Variants in CNST observed in about 807,000 individuals in gnomAD.
CNST encodes consortin.
CNST carries 39 observed loss-of-function variants against 72.4 expected under a neutral mutation model. The observed-to-expected ratio is 0.54, with a 90% CI of 0.42 to 0.70. The LOEUF (loss-of-function observed/expected upper bound fraction) is 0.70. CNST is among the 30% of genes least tolerant of loss of function. CNST has a pLI of 0.00. For synonymous variants in CNST, 332 were observed against 320.1 expected (o/e 1.04, Z -0.40); for missense variants, 871 against 868.5 (o/e 1.00, Z -0.04).
chr1:246,618,594 A>C (rs1663847631), intron 2 of CNST, among the ~76,000 whole-genome samples: 2 of 152,118 alleles, frequency 1.3e-5, no homozygotes, highest in African/African-American at 4.8e-5. Context: ...ATTCTTTCTA[A>C]TTGCCCATTA....
intron 4 of CNST, among the ~76,000 whole-genome samples, chr1:246,633,523 A>G (rs182918216): frequency 6.6e-6 from 1 of 152,106 alleles, no homozygotes; most frequent in Non-Finnish European, 1.5e-5. Context: ...CAGGCAGATC[A>G]CGAGGTGAGG....
intron 2 of CNST, among the ~76,000 whole-genome samples, chr1:246,617,654 G>A (rs1054218672): frequency 6.6e-6 from 1 of 152,194 alleles, no homozygotes; most frequent in African/African-American, 2.4e-5. Flanking sequence ...GAAGCATGCT[G>A]AGAACTTAGG....
chr1:246,644,388 C>CAAAAA (rs58278885), intron 8 of CNST, among the ~76,000 whole-genome samples: 2 of 102,186 alleles, frequency 2.0e-5, no homozygotes, highest in Non-Finnish European at 3.9e-5. Flanking sequence ...ACTCTGTCTC[C>CAAAAA]AAAAAAAAAA....
intron 2 of CNST, chr1:246,608,161 A>T (rs902876154): frequency 2.0e-5 from 3 of 151,766 alleles, no homozygotes; most frequent in African/African-American, 7.3e-5. Context: ...TCTACAAAAA[A>T]AACAAATAAA....
chr1:246,622,013 TATAAAA>T (rs1664124513), intron 3 of CNST, among the ~76,000 whole-genome samples: 1 of 152,038 alleles, frequency 6.6e-6, no homozygotes, highest in Non-Finnish European at 1.5e-5. Flanking sequence ...CATAAATAAA[TATAAAA>T]ATAAAAAATA....
At chr1:246,585,468 G>A (rs1474148987) in intron 1 of CNST, among the ~76,000 whole-genome samples, 2 of 151,540 alleles carry the variant, frequency 1.3e-5, no homozygotes, top group Non-Finnish European at 1.5e-5. Context: ...CCAACATGGC[G>A]AAACCCTGCA....
intron 10 of CNST, among the ~76,000 whole-genome samples, chr1:246,665,194 A>AC (rs1191191832): frequency 6.6e-6 from 1 of 152,018 alleles, no homozygotes; most frequent in Admixed American, 6.5e-5. Context: ...GCATAGTGAG[A>AC]CCCCATCTCT....
At position 246,591,905 on chromosome 1, in the gene CNST, A is replaced by G; in HGVS notation, c.343A>G (p.Arg115Gly). ...AAAAATTCCTGGAAAAAGAAGTCCA[A>G]GAAGCAAAAAAGGGACTGCTAAGAA... ...DKKIPGKRSP[R>G]SKKGTAKKIP... Residue 115 changes from arginine to glycine, a missense_variant, in exon 2 of 11, where the codon AGA becomes GGA. Coordinates refer to ENST00000366513, the MANE Select transcript of CNST (RefSeq NM_152609.3). 1 of 1,613,948 alleles carries G rather than the reference A, an allele frequency of 6.2e-7. No individual in the cohort carries two copies. Among genetic ancestry groups the G allele is most frequent in the South Asian group, 1.1e-5 (1 of 91,066 alleles).
chr1:246,635,355 CAG>C (rs1665132310), intron 6 of CNST, among the ~76,000 whole-genome samples: 1 of 151,804 alleles, frequency 6.6e-6, no homozygotes, highest in Non-Finnish European at 1.5e-5. Context: ...TGGGATACCA[CAG>C]GGGAGAAACA....
At chr1:246,593,917 C>G (rs1184513947) in intron 2 of CNST, among the ~76,000 whole-genome samples, 1 of 152,120 alleles carries the variant, frequency 6.6e-6, no homozygotes, top group Non-Finnish European at 1.5e-5. Flanking sequence ...CATGTGCTAC[C>G]ATGCCTGACT....
At chr1:246,628,041 G>C (rs1664552590) in intron 3 of CNST, among the ~76,000 whole-genome samples, 1 of 152,146 alleles carries the variant, frequency 6.6e-6, no homozygotes, top group Non-Finnish European at 1.5e-5. Context: ...GAAGAATTTG[G>C]AGTCTGATGG....
chr1:246,654,502 G>A (rs1286972586), intron 9 of CNST, among the ~76,000 whole-genome samples: 1 of 152,180 alleles, frequency 6.6e-6, no homozygotes, highest in Admixed American at 6.5e-5. Context: ...GTTGAGGCTG[G>A]AACATCACTC....
At chr1:246,588,024 G>A (rs1661302933) in intron 1 of CNST, among the ~76,000 whole-genome samples, 3 of 151,574 alleles carry the variant, frequency 2.0e-5, no homozygotes. Flanking sequence ...TTCCTTTTGT[G>A]TCTTGTAACT....
chr1:246,576,095 C>T (rs1475385215), intron 1 of CNST, among the ~76,000 whole-genome samples: 1 of 148,934 alleles, frequency 6.7e-6, no homozygotes, highest in Non-Finnish European at 1.5e-5. Context: ...ATTAGCCAGG[C>T]ATGGTGGCGG....
chr1:246,580,098 T>C (rs1453054227), intron 1 of CNST, among the ~76,000 whole-genome samples: 2 of 152,220 alleles, frequency 1.3e-5, no homozygotes, highest in Non-Finnish European at 2.9e-5. Flanking sequence ...TACTTACGAA[T>C]GACGGGGCTT....
intron 3 of CNST, among the ~76,000 whole-genome samples, chr1:246,627,760 A>G (rs897147588): frequency 2.0e-5 from 3 of 152,198 alleles, no homozygotes; most frequent in African/African-American, 7.2e-5. Context: ...TAAGGTAATG[A>G]AAGCATCTAG....
chr1:246,640,356 A>T, intron 6 of CNST, among the ~76,000 whole-genome samples: 1 of 152,232 alleles, frequency 6.6e-6, no homozygotes, highest in East Asian at 1.9e-4. Flanking sequence ...GCTAGAAAGC[A>T]AATAGAATAC....
At chr1:246,586,772 C>T (rs2103019661) in intron 1 of CNST, among the ~76,000 whole-genome samples, 1 of 152,126 alleles carries the variant, frequency 6.6e-6, no homozygotes, top group East Asian at 1.9e-4. Flanking sequence ...TGCTGTGTAA[C>T]CTATTTTTCT....
At position 246,627,056 on chromosome 1, in the gene CNST, G is replaced by A. The variant is rs554559090; in HGVS notation, c.586-4838G>A. Among the ~76,000 whole-genome samples, 7 of 152,156 alleles carry A rather than the reference G, an allele frequency of 4.6e-5. No homozygotes were observed. The East Asian group carries it at 9.6e-4, about 21-fold the overall frequency. On this transcript the variant is annotated intron_variant, in intron 3 of 10. Transcript: ENST00000366513. Reference sequence around the variant, plus strand: ...TACCTCTTTCACTGCTACCATTTCCGTACAGGATACCATCAAATCTCACCC... The same window carrying A: ...TACCTCTTTCACTGCTACCATTTCCATACAGGATACCATCAAATCTCACCC...
Sources: allele counts gnomAD v4.1 joint callset (sites outside exome capture counted in the v4.1 genomes callset), GRCh38; gene constraint gnomAD v4.1.1; transcripts MANE v1.5; gene names NCBI Gene and HGNC (gene_info 2026-07-23, HGNC 2026-07-21).